CGNL1: variants seen among roughly 807,000 people sequenced by gnomAD.
CGNL1 encodes the protein cingulin-like protein 1.
Under a neutral mutation model 141.2 loss-of-function variants are expected in CGNL1, and 132 were observed. That is an observed-to-expected ratio of 0.93 (90% CI 0.81 to 1.08). The LOEUF is 1.08. Ranked by LOEUF, CGNL1 falls within the 50% of genes least tolerant of loss-of-function variation. The pLI is 0.00. For synonymous variants in CGNL1, 690 were observed against 622.1 expected (o/e 1.11, Z -1.63); for missense variants, 1,870 against 1,588.6 (o/e 1.18, Z -3.01).
Position 57,540,898 on chromosome 15 carries a change from GAC to G in CGNL1, c.3292-2794_3292-2793del, listed in dbSNP as rs2032529238. Among the ~76,000 whole-genome samples the G allele has an allele frequency of 3.9e-5, 6 of 152,236 alleles. No homozygotes were observed. The South Asian group carries it at 1.2e-3, about 31-fold the overall frequency. On this transcript the variant is annotated intron_variant, in intron 14 of 18. Coordinates refer to ENST00000281282, the MANE Select transcript of CGNL1 (RefSeq NM_032866.5). ...CAGCACACAAGCGTGTGCACTCGCA[GAC>G]ACATGCTTGCTCTCATTATGACAAT... is the stretch of plus-strand genomic sequence containing the variant.
chr15:57,476,536 G>A (rs555657250), intron 8 of CGNL1, among the ~76,000 whole-genome samples: 1 of 152,306 alleles, frequency 6.6e-6, no homozygotes, highest in East Asian at 1.9e-4. Flanking sequence ...CAAATAGTTG[G>A]TGACAGAAGA....
At chr15:57,507,870 T>C (rs1271427106) in intron 8 of CGNL1, among the ~76,000 whole-genome samples, 1 of 152,198 alleles carries the variant, frequency 6.6e-6, no homozygotes, top group African/African-American at 2.4e-5. Flanking sequence ...AATCCCAGAC[T>C]GTTAGAGCTG....
intron 1 of CGNL1, among the ~76,000 whole-genome samples, 197 bp downstream of exon 1, chr15:57,376,764 G>C (rs1261795807): frequency 6.6e-6 from 1 of 151,864 alleles, no homozygotes; most frequent in Non-Finnish European, 1.5e-5. Context: ...GGACTCCCGC[G>C]CCGCGCCCCG....
chr15:57,411,670 C>T (rs954817553), intron 1 of CGNL1, among the ~76,000 whole-genome samples: 2 of 151,942 alleles, frequency 1.3e-5, no homozygotes, highest in African/African-American at 2.4e-5. Flanking sequence ...GTCTCCAACT[C>T]TTGACTTCAG....
intron 15 of CGNL1, among the ~76,000 whole-genome samples, chr15:57,544,006 G>A (rs1370235072): frequency 6.6e-6 from 1 of 152,194 alleles, no homozygotes; most frequent in African/African-American, 2.4e-5. Context: ...TCTAGATCCT[G>A]AAGAGGGCTA....
intron 8 of CGNL1, among the ~76,000 whole-genome samples, chr15:57,483,109 A>T (rs1463294602): frequency 6.6e-6 from 1 of 152,166 alleles, no homozygotes; most frequent in Non-Finnish European, 1.5e-5. Flanking sequence ...TAAATGTTAG[A>T]ATTACCTTGT....
chr15:57,497,042 C>T (rs1380530995), intron 8 of CGNL1, among the ~76,000 whole-genome samples: 5 of 152,146 alleles, frequency 3.3e-5, no homozygotes, highest in Non-Finnish European at 7.4e-5. Flanking sequence ...AGCAGCAGAC[C>T]CCAGGAATGG....
chr15:57,436,228 G>A (rs2063104058), intron 1 of CGNL1, among the ~76,000 whole-genome samples: 1 of 152,118 alleles, frequency 6.6e-6, no homozygotes, highest in South Asian at 2.1e-4. Context: ...ACCAGCTTAA[G>A]TACCCTATTT....
intron 7 of CGNL1, among the ~76,000 whole-genome samples, chr15:57,454,853 T>C (rs2063359916): frequency 6.6e-6 from 1 of 152,118 alleles, no homozygotes; most frequent in South Asian, 2.1e-4. Context: ...AGAAGATATA[T>C]GTATTTATCA....
intron 8 of CGNL1, among the ~76,000 whole-genome samples, chr15:57,478,813 A>AT (rs1249616153): frequency 6.6e-6 from 1 of 151,654 alleles, no homozygotes; most frequent in Non-Finnish European, 1.5e-5. Context: ...TACTTTTTGT[A>AT]TTTTTTTTAG....
In CGNL1 at chr15:57,502,438, A is replaced by G. The variant is rs147819299; in HGVS notation, c.2404-14342A>G. Reference sequence around the variant, plus strand: ...ATGGGGGAAGGTGGAAGGAAGTGTTAGAAATTCAAATTAGGGTTTCAACCT... The same window carrying G: ...ATGGGGGAAGGTGGAAGGAAGTGTTGGAAATTCAAATTAGGGTTTCAACCT... On this transcript the variant is annotated intron_variant, in intron 8 of 18. Coordinates refer to ENST00000281282, the MANE Select transcript of CGNL1 (RefSeq NM_032866.5). Among the ~76,000 whole-genome samples, 125 of 152,332 alleles carry G rather than the reference A, an allele frequency of 8.2e-4. 1 individual carries two copies. The highest frequency in any genetic ancestry group is 2.4e-3 in the African/African-American group (101 of 41,588).
At chr15:57,397,907 C>T (rs887318836) in intron 1 of CGNL1, among the ~76,000 whole-genome samples, 3 of 152,008 alleles carry the variant, frequency 2.0e-5, no homozygotes, top group African/African-American at 4.8e-5. Context: ...CTCAGCCTCC[C>T]GAGTAGCTGG....
At chr15:57,466,567 G>T (rs897560489) in intron 8 of CGNL1, among the ~76,000 whole-genome samples, 11 of 152,068 alleles carry the variant, frequency 7.2e-5, no homozygotes, top group Admixed American at 2.6e-4. Context: ...ATTTTGCTCC[G>T]GGTTTTATCT....
chr15:57,376,598 G>T, intron 1 of CGNL1, 31 bp downstream of exon 1: 1 of 153,402 alleles, frequency 6.5e-6, no homozygotes, highest in South Asian at 1.8e-4. Context: ...AGCGGGGCGG[G>T]GTGTGCGCCG....
chr15:57,527,924 A>G (rs1415503616), intron 12 of CGNL1, among the ~76,000 whole-genome samples: 1 of 152,196 alleles, frequency 6.6e-6, no homozygotes, highest in Non-Finnish European at 1.5e-5. Context: ...TATTTAGTTA[A>G]GGGGCTCTCG....
chr15:57,435,832 A>G (rs1339158300), intron 1 of CGNL1, among the ~76,000 whole-genome samples: 2 of 152,142 alleles, frequency 1.3e-5, no homozygotes, highest in Non-Finnish European at 2.9e-5. Context: ...TTTGAATGTT[A>G]TCCCTTAAAA....
chr15:57,466,742 T>C (rs2063515749), intron 8 of CGNL1, among the ~76,000 whole-genome samples: 2 of 152,176 alleles, frequency 1.3e-5, no homozygotes, highest in Non-Finnish European at 2.9e-5. Context: ...TTAGACTGTT[T>C]TGGCTTTTAA....
intron 8 of CGNL1, among the ~76,000 whole-genome samples, chr15:57,477,279 A>G (rs2063668681): frequency 6.6e-6 from 1 of 152,144 alleles, no homozygotes; most frequent in Non-Finnish European, 1.5e-5. Context: ...AGGATGGGAA[A>G]ATCTTGTTTT....
intron 13 of CGNL1, among the ~76,000 whole-genome samples, chr15:57,531,118 C>T (rs2031928610): frequency 6.6e-6 from 1 of 152,196 alleles, no homozygotes; most frequent in African/African-American, 2.4e-5. Context: ...ACAAAGAAAC[C>T]ACCAATTATT....
Sources: allele counts gnomAD v4.1 joint callset (sites outside exome capture counted in the v4.1 genomes callset), GRCh38; gene constraint gnomAD v4.1.1; transcripts MANE v1.5; gene names NCBI Gene and HGNC (gene_info 2026-07-23, HGNC 2026-07-21).